Variants in STK32B observed in about 807,000 individuals in gnomAD.
STK32B encodes the protein serine/threonine kinase 32B.
Under a neutral mutation model 52.6 loss-of-function variants are expected in STK32B, and 43 were observed. That is an observed-to-expected ratio of 0.82 (90% CI 0.64 to 1.05). The LOEUF (loss-of-function observed/expected upper bound fraction) is 1.05, where lower values mean the gene tolerates loss of function less well. Among genes scored for constraint, STK32B ranks in the 50% least tolerant of loss-of-function variants. The pLI is 0.00. For synonymous variants in STK32B, 238 were observed against 204.3 expected (o/e 1.17, Z -1.41); for missense variants, 621 against 534.6 (o/e 1.16, Z -1.59).
At chr4:5,329,616 C>G (rs1176607662) in intron 3 of STK32B, among the ~76,000 whole-genome samples, 4 of 152,192 alleles carry the variant, frequency 2.6e-5, no homozygotes, top group African/African-American at 7.2e-5. Flanking sequence ...CCAGCCCCTC[C>G]CAGGGCACTG....
At chr4:5,147,323 T>C (rs1716989372) in intron 2 of STK32B, among the ~76,000 whole-genome samples, 1 of 151,676 alleles carries the variant, frequency 6.6e-6, no homozygotes. Flanking sequence ...TAATTAGTTG[T>C]GATAGTTGTT....
Position 5,416,895 on chromosome 4 carries a change from G to C in STK32B, c.523G>C (p.Glu175Gln). Reference protein sequence around the residue: ...FNIATVVKGAERASSMAGTKP... With the variant: ...FNIATVVKGAQRASSMAGTKP... The stretch of plus-strand genomic sequence containing the variant: ...CATAGCGACGGTAGTGAAAGGAGCA[G>C]AAAGGGCTTCCTCCATGGCTGGCAC... Residue 175 changes from glutamate (E) to glutamine (Q), a missense_variant, in exon 6 of 12, where the codon GAA (glutamate) becomes CAA (glutamine). Glu to Gln is a conservative substitution (Grantham distance 29). Transcript: ENST00000282908. The C allele has an allele frequency of 2.5e-6, 4 of 1,613,928 alleles. No individual in the cohort carries two copies. The highest frequency in any genetic ancestry group is 3.4e-6 in the Non-Finnish European group (4 of 1,179,930).
intron 7 of STK32B, among the ~76,000 whole-genome samples, chr4:5,451,335 A>G (rs1306465854): frequency 2.0e-5 from 3 of 152,184 alleles, no homozygotes; most frequent in Admixed American, 1.3e-4. Context: ...GGCTGATTCA[A>G]CAAACATTTT....
intron 4 of STK32B, among the ~76,000 whole-genome samples, chr4:5,346,915 G>A (rs1733504572): frequency 6.6e-6 from 1 of 152,218 alleles, no homozygotes; most frequent in African/African-American, 2.4e-5. Flanking sequence ...GCATGTCTTA[G>A]ATGGTGGCAA....
chr4:5,390,586 G>C (rs1024489123), intron 4 of STK32B, among the ~76,000 whole-genome samples: 1 of 152,140 alleles, frequency 6.6e-6, no homozygotes, highest in African/African-American at 2.4e-5. Flanking sequence ...TCTTCAGGTG[G>C]CCTTCTCCTC....
At chr4:5,465,207 T>G (rs547987234) in intron 9 of STK32B, among the ~76,000 whole-genome samples, 1 of 152,068 alleles carries the variant, frequency 6.6e-6, no homozygotes. Context: ...TCGGTAACAT[T>G]TATTGGGCAA....
chr4:5,198,837 C>G (rs921705499), intron 3 of STK32B, among the ~76,000 whole-genome samples: 1 of 152,166 alleles, frequency 6.6e-6, no homozygotes, highest in South Asian at 2.1e-4. Flanking sequence ...GTGTGGCAGT[C>G]ACAATGGCAG....
At position 5,460,347 on chromosome 4, in the gene STK32B, C is replaced by A; in HGVS notation, c.909+119C>A. The stretch of plus-strand genomic sequence containing the variant: ...CTGCTGGCCACTTCCACCTGAGCAC[C>A]AAGGGCTTATGTCTTGCTGGAATTC... On this transcript the variant is annotated intron_variant, in intron 9 of 11. Coordinates refer to ENST00000282908, the MANE Select transcript of STK32B (RefSeq NM_018401.3). This position sits in a 1 kb window ranked among gnomAD's most constrained non-coding sequence, Gnocchi z 4.8. The A allele has an allele frequency of 6.9e-7, 1 of 1,441,790 alleles. No individual in the cohort carries two copies. Among genetic ancestry groups the A allele is most frequent in the Non-Finnish European group, 9.3e-7 (1 of 1,073,378 alleles). The allele number at this position is 1,441,790 out of a possible 1,614,324, so 89.3% of individuals were successfully genotyped here.
the STK32B span, among the ~76,000 whole-genome samples, chr4:5,033,323 C>A: frequency 5.3e-5 from 8 of 152,168 alleles, no homozygotes; most frequent in African/African-American, 1.9e-4. Context: ...CCGTGGAAAC[C>A]CTGCTTCTCC....
rs1359722317 is a variant in STK32B at position 5,316,360 on chromosome 4, A to G, written c.261-14860A>G. 8.4e-5 allele frequency among the ~76,000 whole-genome samples: 3 copies of G among 35,734 alleles called. 1 individual carries two copies. The highest frequency in any genetic ancestry group is 1.1e-4 in the Non-Finnish European group (3 of 27,126). The allele number at this position is 35,734 out of a possible 152,430, so 23.4% of individuals were successfully genotyped here. A position where few individuals can be genotyped will look rare whatever the true frequency, so the allele number is the denominator to read the frequency against. On this transcript the variant is annotated intron_variant, in intron 3 of 11. Coordinates refer to ENST00000282908, the MANE Select transcript of STK32B (RefSeq NM_018401.3). ...TATAATATATTATATCATATATTAT[A>G]TATATTATATATATTAATTATATAT...
Position 5,189,973 on chromosome 4 carries a change from C to T in STK32B, c.260+21523C>T, listed in dbSNP as rs562577729. On this transcript the variant is annotated intron_variant, in intron 3 of 11. Transcript: ENST00000282908. ...TAGTAGTTGCTCAGTAAGTAGTTGT[C>T]GAATGAACCAATTGAAAGAATAAAT... 2.8e-4 allele frequency among the ~76,000 whole-genome samples: 43 copies of T among 152,220 alleles called. 1 individual carries two copies. The South Asian group carries it at 7.9e-3, about 28-fold the overall frequency.
Position 5,396,314 on chromosome 4 carries a change from T to C in STK32B, c.435-1893T>C, listed in dbSNP as rs560966859. Among the ~76,000 whole-genome samples the C allele has an allele frequency of 7.7e-4, 117 of 152,226 alleles. 2 individuals are homozygous for C. Among genetic ancestry groups the C allele is most frequent in the African/African-American group, 2.6e-3 (107 of 41,550 alleles). On this transcript the variant is annotated intron_variant, in intron 4 of 11. Coordinates refer to ENST00000282908, the MANE Select transcript of STK32B (RefSeq NM_018401.3). This position sits in a 1 kb window ranked among gnomAD's most constrained non-coding sequence, Gnocchi z 4.7. ...ATCTGCTTCCATCTCCCCATGGCCT[T>C]CTTCTCTCCTGTGCCTGCATCCAAA...
In STK32B at chr4:5,380,149, G is replaced by A. The variant is rs561355235; in HGVS notation, c.435-18058G>A. Among the ~76,000 whole-genome samples, 64 of 152,180 alleles carry A rather than the reference G, an allele frequency of 4.2e-4. No homozygotes were observed. The highest frequency in any genetic ancestry group is 1.5e-3 in the African/African-American group (61 of 41,502). On this transcript the variant is annotated intron_variant, in intron 4 of 11. Transcript: ENST00000282908. The surrounding 1 kb of genome is among the most constrained non-coding windows in gnomAD (Gnocchi z 4.3). ...ATATGTTTATTATTCTGGTGAAGCC[G>A]CTCCTAACCAGACCCATCCTGCAGC...
At chr4:5,112,938 G>A (rs528342837) in intron 1 of STK32B, among the ~76,000 whole-genome samples, 17 of 152,276 alleles carry the variant, frequency 1.1e-4, no homozygotes, top group African/African-American at 4.1e-4. Flanking sequence ...AGACACTGGG[G>A]ATAAGAGAAT....
At chr4:5,335,852 T>C in intron 4 of STK32B, among the ~76,000 whole-genome samples, 1 of 151,988 alleles carries the variant, frequency 6.6e-6, no homozygotes, top group East Asian at 1.9e-4. Flanking sequence ...GACAGTTTGT[T>C]ATAATTTCTA....
At chr4:5,137,044 A>G (rs1716119930) in intron 1 of STK32B, among the ~76,000 whole-genome samples, 3 of 152,244 alleles carry the variant, frequency 2.0e-5, no homozygotes. Context: ...TAATTATTAA[A>G]GTAATAATGG....
intron 1 of STK32B, among the ~76,000 whole-genome samples, chr4:5,063,815 C>T (rs1156768937): frequency 6.6e-6 from 1 of 152,154 alleles, no homozygotes; most frequent in Admixed American, 6.5e-5. Flanking sequence ...ACCTTTATTT[C>T]CTCGCCAATA....
chr4:5,051,098 T>C (rs1741751438), upstream of STK32B, among the ~76,000 whole-genome samples: 1 of 152,148 alleles, frequency 6.6e-6, no homozygotes, highest in Non-Finnish European at 1.5e-5. Flanking sequence ...GACACTCCAC[T>C]GCCCATCCCA....
Position 5,094,813 on chromosome 4 carries a change from G to A in STK32B, c.52+42898G>A, listed in dbSNP as rs145979762. On this transcript the variant is annotated intron_variant, in intron 1 of 11. Coordinates refer to ENST00000282908, the MANE Select transcript of STK32B (RefSeq NM_018401.3). ...CAGACTTTTGACTGTGTAGGGAGTC[G>A]GCGCCCCTAACTCCCACATTGTTCT... Among the ~76,000 whole-genome samples the A allele has an allele frequency of 2.0e-3, 298 of 152,092 alleles. 3 individuals carry two copies. Among genetic ancestry groups the A allele is most frequent in the African/African-American group, 6.7e-3 (276 of 41,484 alleles).
Sources: allele counts gnomAD v4.1 joint callset (sites outside exome capture counted in the v4.1 genomes callset), GRCh38; gene constraint gnomAD v4.1.1; non-coding constraint Gnocchi (gnomAD v3.1); transcripts MANE v1.5; gene names NCBI Gene and HGNC (gene_info 2026-07-23, HGNC 2026-07-21).